The following RGS21 variants were observed in gnomAD, a reference collection of about 807,000 sequenced individuals.
RGS21 encodes regulator of G protein signaling 21, also known as regulator of G-protein signalling 21.
RGS21 carries 19 observed loss-of-function variants against 18.7 expected under a neutral mutation model. That is an observed-to-expected ratio of 1.01 (90% CI 0.71 to 1.49). RGS21 has a LOEUF of 1.49. Ranked by LOEUF, RGS21 falls within the 40% of genes most tolerant of loss-of-function variation. The pLI is 0.00. For missense variants in RGS21, 194 were observed against 176.8 expected, an observed-to-expected ratio of 1.10 and a Z score of -0.55; for synonymous variants, 56 against 57.8, an observed-to-expected ratio of 0.97 and a Z score of 0.14.
At chr1:192,365,657 G>A (rs1450071882) in intron 4 of RGS21, among the ~76,000 whole-genome samples, 1 of 152,032 alleles carries the variant, frequency 6.6e-6, no homozygotes, top group Admixed American at 6.6e-5. Context: ...TATCTTGCTT[G>A]CTTTTTCACT....
chr1:192,349,393 G>A (rs1230743226), intron 3 of RGS21, among the ~76,000 whole-genome samples: 2 of 152,146 alleles, frequency 1.3e-5, no homozygotes, highest in African/African-American at 2.4e-5. Context: ...AACAGCTAAA[G>A]GACTTGTCAA....
chr1:192,345,139 TC>T (rs1231151595), intron 2 of RGS21, among the ~76,000 whole-genome samples: 2 of 152,078 alleles, frequency 1.3e-5, no homozygotes, highest in Non-Finnish European at 2.9e-5. Flanking sequence ...CTATAAATAC[TC>T]CTTTATATCC....
rs189408443 is a variant in RGS21 at position 192,345,265 on chromosome 1, C to T, written c.12-2048C>T. Among the ~76,000 whole-genome samples, 64 of 152,210 alleles carry T rather than the reference C, an allele frequency of 4.2e-4. 1 individual carries two copies. Among genetic ancestry groups the T allele is most frequent in the African/African-American group, 1.5e-3 (63 of 41,572 alleles). On this transcript the variant is annotated intron_variant, in intron 2 of 4. Coordinates refer to ENST00000417209, the MANE Select transcript of RGS21 (RefSeq NM_001039152.3). ...AGCTATTCTCTCCAACCTCACATAC[C>T]TCAGAGTTGAGAATGAGGTCCATGA...
At chr1:192,361,581 T>G (rs1465839709) in intron 4 of RGS21, among the ~76,000 whole-genome samples, 1 of 152,164 alleles carries the variant, frequency 6.6e-6, no homozygotes, top group Non-Finnish European at 1.5e-5. Flanking sequence ...AGTCTCGCTC[T>G]GTCGCCTAGG....
At chr1:192,336,316 A>C (rs566114829) in intron 1 of RGS21, among the ~76,000 whole-genome samples, 1 of 152,092 alleles carries the variant, frequency 6.6e-6, no homozygotes, top group Middle Eastern at 3.4e-3. Flanking sequence ...TTAGCTGAGC[A>C]CTCTGGTGGA....
chr1:192,364,077 G>A (rs114871421), intron 4 of RGS21, among the ~76,000 whole-genome samples: 1,600 of 152,236 alleles, frequency 0.011, 32 homozygotes, highest in African/African-American at 0.036. Context: ...TGAAGAAGCA[G>A]AAACTCAGAA....
At chr1:192,337,024 C>A (rs894125293) in intron 1 of RGS21, among the ~76,000 whole-genome samples, 1 of 151,042 alleles carries the variant, frequency 6.6e-6, no homozygotes, top group African/African-American at 2.4e-5. Flanking sequence ...TATATCATGG[C>A]TTTGATAATT....
chr1:192,366,038 C>T lies in RGS21; in HGVS notation c.373C>T (p.Pro125Ser). 1 of 1,611,250 alleles carries T rather than the reference C, an allele frequency of 6.2e-7. No homozygotes were observed. Among genetic ancestry groups the T allele is most frequent in the Non-Finnish European group, 8.5e-7 (1 of 1,178,052 alleles). Residue 125 changes from proline to serine, a missense_variant, in exon 5 of 5, where the codon CCT (proline) becomes TCT (serine). Coordinates refer to ENST00000417209, the MANE Select transcript of RGS21 (RefSeq NM_001039152.3). ...TTGTCTCATGGCCAAGGATTCTTTC[C>T]CTCGATTTCTGAAGTCAGAGATTTA... ...IYCLMAKDSF[P>S]RFLKSEIYKK...
chr1:192,340,745 A>C (rs888151823), intron 1 of RGS21, among the ~76,000 whole-genome samples: 1 of 152,112 alleles, frequency 6.6e-6, no homozygotes, highest in Admixed American at 6.6e-5. Flanking sequence ...GAGGCCTCAC[A>C]ATCACAGCTG....
chr1:192,338,845 T>C (rs1169698981), intron 1 of RGS21, among the ~76,000 whole-genome samples: 2 of 152,100 alleles, frequency 1.3e-5, no homozygotes, highest in African/African-American at 2.4e-5. Flanking sequence ...CCCTCAGTTC[T>C]CAGCTCCATT....
At chr1:192,328,914 A>G (rs1658607659) in intron 1 of RGS21, among the ~76,000 whole-genome samples, 1 of 152,112 alleles carries the variant, frequency 6.6e-6, no homozygotes, top group Non-Finnish European at 1.5e-5. Context: ...TTGATATTGA[A>G]GTCTCATACA....
intron 2 of RGS21, among the ~76,000 whole-genome samples, chr1:192,345,762 C>A (rs1001581994): frequency 6.6e-6 from 1 of 151,958 alleles, no homozygotes; most frequent in South Asian, 2.1e-4. Flanking sequence ...CTGCTAGCAG[C>A]CAAATTTTAG....
chr1:192,322,477 G>A (rs987519609), intron 1 of RGS21, among the ~76,000 whole-genome samples: 4 of 152,064 alleles, frequency 2.6e-5, no homozygotes, highest in African/African-American at 7.2e-5. Context: ...CTGGACTCAC[G>A]ATTTTATCCA....
In RGS21 at chr1:192,317,045, C is replaced by G. The variant is rs534943410; in HGVS notation, c.-121C>G. ...AAGAAGCACAGATTTTCTCATCTATCCTGTCAACAAAGAAGGAATCAAGAG... is the reference window on the plus strand; with the variant it reads ...AAGAAGCACAGATTTTCTCATCTATGCTGTCAACAAAGAAGGAATCAAGAG... On this transcript the variant is annotated 5_prime_UTR_variant, in exon 1 of 5. In the 5' UTR this introduces an upstream ATG that the reference lacks. Transcript: ENST00000417209. 4.6e-5 allele frequency: 7 copies of G among 151,914 alleles called. No homozygotes were observed. The East Asian group carries it at 5.8e-4, about 13-fold the overall frequency. 9.4% of individuals were successfully genotyped at this position (151,914 alleles called of 1,614,324 possible).
intron 1 of RGS21, among the ~76,000 whole-genome samples, chr1:192,337,182 G>GC (rs980022387): frequency 1.3e-5 from 2 of 151,834 alleles, no homozygotes; most frequent in Non-Finnish European, 2.9e-5. Flanking sequence ...AGGCATCAGT[G>GC]CCCCGAAATA....
intron 1 of RGS21, among the ~76,000 whole-genome samples, chr1:192,328,028 C>T (rs933577434): frequency 6.6e-6 from 1 of 152,162 alleles, no homozygotes; most frequent in African/African-American, 2.4e-5. Context: ...GTTGTCTTTA[C>T]TTTGAGGAGT....
intron 2 of RGS21, 87 bp downstream of exon 2, chr1:192,343,134 C>T: frequency 1.1e-5 from 14 of 1,235,542 alleles, no homozygotes; most frequent in Non-Finnish European, 1.3e-5. Context: ...GTTTTATTTC[C>T]TTCATTTATG....
intron 3 of RGS21, among the ~76,000 whole-genome samples, chr1:192,348,748 A>C (rs1353057070): frequency 6.7e-6 from 1 of 149,346 alleles, no homozygotes; most frequent in Non-Finnish European, 1.5e-5. Flanking sequence ...ACACTGTGAA[A>C]CACAGAGAGA....
intron 1 of RGS21, among the ~76,000 whole-genome samples, chr1:192,337,734 T>C (rs1658792299): frequency 6.6e-6 from 1 of 152,154 alleles, no homozygotes; most frequent in African/African-American, 2.4e-5. Context: ...AATATGATGA[T>C]GACTATGAGA....
Sources: allele counts gnomAD v4.1 joint callset (sites outside exome capture counted in the v4.1 genomes callset), GRCh38; gene constraint gnomAD v4.1.1; transcripts MANE v1.5; gene names NCBI Gene and HGNC (gene_info 2026-07-23, HGNC 2026-07-21).